The following SCAPER variants were observed in gnomAD, a reference collection of about 807,000 sequenced individuals.
SCAPER encodes the protein S phase cyclin A-associated protein in the endoplasmic reticulum.
A neutral mutation model predicts 182.2 loss-of-function variants in SCAPER; 98 were observed. That is an observed-to-expected ratio of 0.54 (90% confidence interval 0.46 to 0.64). The LOEUF (loss-of-function observed/expected upper bound fraction) is 0.64. Among genes scored for constraint, SCAPER ranks in the 30% least tolerant of loss-of-function variants. SCAPER has a pLI of 0.00. For missense variants in SCAPER, 1,432 were observed against 1,690.0 expected, an observed-to-expected ratio of 0.85 and a Z score of 2.68; for synonymous variants, 605 against 564.6, an observed-to-expected ratio of 1.07 and a Z score of -1.01.
chr15:76,465,889 T>C (rs1035995381), intron 25 of SCAPER, among the ~76,000 whole-genome samples: 2 of 152,184 alleles, frequency 1.3e-5, no homozygotes, highest in African/African-American at 4.8e-5. Context: ...CCTTTGAATA[T>C]ATCCCTCCAC....
intron 10 of SCAPER, 83 bp downstream of exon 10, chr15:76,771,659 C>T (rs1425872072): frequency 3.2e-6 from 3 of 944,468 alleles, no homozygotes; most frequent in East Asian, 5.0e-5. Context: ...ATAAATCATA[C>T]AAGTTATTAT....
At chr15:76,870,692 T>TA (rs988778746) in intron 2 of SCAPER, among the ~76,000 whole-genome samples, 3 of 150,470 alleles carry the variant, frequency 2.0e-5, no homozygotes, top group Non-Finnish European at 4.4e-5. Flanking sequence ...AATGAAAACA[T>TA]AAAAAAAATA....
chr15:76,851,421 T>C (rs1044350771), intron 4 of SCAPER, among the ~76,000 whole-genome samples: 5 of 150,908 alleles, frequency 3.3e-5, no homozygotes, highest in Non-Finnish European at 7.4e-5. Context: ...AAAGAAAAAA[T>C]GTTGAAGGTA....
At chr15:76,785,786 A>T (rs561467488) in intron 8 of SCAPER, among the ~76,000 whole-genome samples, 1 of 152,238 alleles carries the variant, frequency 6.6e-6, no homozygotes, top group East Asian at 1.9e-4. Context: ...GACAGAAACC[A>T]AACACTGCAT....
intron 20 of SCAPER, among the ~76,000 whole-genome samples, chr15:76,668,934 G>A (rs1426525733): frequency 6.6e-6 from 1 of 152,024 alleles, no homozygotes; most frequent in Non-Finnish European, 1.5e-5. Context: ...TCCTTACAAC[G>A]ATACTTAGAA....
intron 21 of SCAPER, among the ~76,000 whole-genome samples, chr15:76,646,427 C>G (rs890522250): frequency 2.6e-5 from 4 of 152,170 alleles, no homozygotes; most frequent in Admixed American, 2.6e-4. Context: ...AGAGGTCCAG[C>G]TATTATACAG....
At chr15:76,854,924 A>C (rs2071180577) in intron 4 of SCAPER, among the ~76,000 whole-genome samples, 1 of 151,162 alleles carries the variant, frequency 6.6e-6, no homozygotes, top group African/African-American at 2.4e-5. Context: ...GTGAGCCGAG[A>C]TCACACCACT....
At chr15:76,725,257 T>C (rs2060511481) in intron 17 of SCAPER, among the ~76,000 whole-genome samples, 1 of 151,946 alleles carries the variant, frequency 6.6e-6, no homozygotes. Context: ...CAATGAAAAC[T>C]ACAAAACATT....
intron 25 of SCAPER, among the ~76,000 whole-genome samples, chr15:76,442,230 T>C (rs1264068680): frequency 1.3e-5 from 2 of 152,174 alleles, no homozygotes; most frequent in African/African-American, 2.4e-5. Flanking sequence ...ATCTTTTCTT[T>C]TCCCCACCCC....
intron 22 of SCAPER, among the ~76,000 whole-genome samples, chr15:76,591,350 GTCA>G (rs2049094053): frequency 6.6e-6 from 1 of 152,162 alleles, no homozygotes. Flanking sequence ...TATATACAAT[GTCA>G]TATAAATAAA....
intron 24 of SCAPER, among the ~76,000 whole-genome samples, chr15:76,501,537 C>T (rs2041120102): frequency 6.6e-6 from 1 of 152,112 alleles, no homozygotes; most frequent in Admixed American, 6.6e-5. Context: ...AGCAGTGACA[C>T]GTAAGGTTTA....
At chr15:76,652,082 G>C (rs868619118) in intron 21 of SCAPER, among the ~76,000 whole-genome samples, 44 of 149,244 alleles carry the variant, frequency 2.9e-4, no homozygotes, top group African/African-American at 1.1e-3. Flanking sequence ...ACCCCTTCAT[G>C]ATGAAAACTT....
In SCAPER at chr15:76,895,875, C is replaced by T. The variant is rs554140019; in HGVS notation, c.-60+9424G>A. Among the ~76,000 whole-genome samples the T allele has an allele frequency of 2.5e-4, 38 of 152,042 alleles. No individual in the cohort carries two copies. The South Asian group carries it at 7.5e-3, about 30-fold the overall frequency. On this transcript the variant is annotated intron_variant, in intron 1 of 31. Coordinates refer to ENST00000563290, the MANE Select transcript of SCAPER (RefSeq NM_020843.4). ...CTGACACAGTGAAACCCCATCTCTA[C>T]TAAAAATACAAAAAATTTGCCGGGC... is the stretch of plus-strand genomic sequence containing the variant.
chr15:76,747,288 G>T (rs1366234059), intron 15 of SCAPER, among the ~76,000 whole-genome samples: 5 of 152,154 alleles, frequency 3.3e-5, no homozygotes, highest in Non-Finnish European at 5.9e-5. Context: ...CAGATCACAA[G>T]GTCAAGAGAT....
intron 15 of SCAPER, among the ~76,000 whole-genome samples, chr15:76,751,629 A>C (rs971625652): frequency 4.0e-5 from 6 of 151,780 alleles, no homozygotes; most frequent in Non-Finnish European, 7.4e-5. Flanking sequence ...TAATGGACAA[A>C]GAAAAGCCTT....
intron 22 of SCAPER, among the ~76,000 whole-genome samples, chr15:76,615,683 G>A (rs1264287475): frequency 4.0e-5 from 6 of 151,536 alleles, no homozygotes; most frequent in South Asian, 4.2e-4. Flanking sequence ...AGCTGGGCAC[G>A]GTGGCACACA....
At chr15:76,885,120 T>C (rs779665753) in intron 1 of SCAPER, among the ~76,000 whole-genome samples, 11 of 152,240 alleles carry the variant, frequency 7.2e-5, no homozygotes, top group Non-Finnish European at 1.3e-4. Context: ...ACTCTGTGAA[T>C]ATACTAAAAA....
chr15:76,703,040 A>C, intron 18 of SCAPER, 38 bp from the exon 19 acceptor site: 1 of 1,515,674 alleles, frequency 6.6e-7, no homozygotes, highest in South Asian at 1.3e-5. Context: ...TTCAAAAATT[A>C]TTCAAATTAT....
At chr15:76,854,050 C>A (rs748798408) in intron 4 of SCAPER, among the ~76,000 whole-genome samples, 2 of 152,148 alleles carry the variant, frequency 1.3e-5, no homozygotes, top group African/African-American at 2.4e-5. Context: ...GCAGGCGGAT[C>A]ACGAGGTCAG....
Sources: allele counts gnomAD v4.1 joint callset (sites outside exome capture counted in the v4.1 genomes callset), GRCh38; gene constraint gnomAD v4.1.1; transcripts MANE v1.5; gene names NCBI Gene and HGNC (gene_info 2026-07-23, HGNC 2026-07-21).